Variants in MPHOSPH9 observed in about 807,000 individuals in gnomAD.
The protein encoded by MPHOSPH9 is M-phase phosphoprotein 9.
A neutral mutation model predicts 145.5 loss-of-function variants in MPHOSPH9; 88 were observed. The observed-to-expected ratio is 0.60, with a 90% CI of 0.51 to 0.72. The LOEUF (loss-of-function observed/expected upper bound fraction) is 0.72. MPHOSPH9 is among the 30% of genes least tolerant of loss of function. The pLI is 0.00. For synonymous variants in MPHOSPH9, 435 were observed against 486.2 expected (o/e 0.89, Z 1.39); for missense variants, 1,238 against 1,386.6 (o/e 0.89, Z 1.70).
chr12:123,227,403 G>T, intron 3 of MPHOSPH9, 60 bp downstream of exon 3: 1 of 1,224,026 alleles, frequency 8.2e-7, no homozygotes, highest in Non-Finnish European at 1.1e-6. Flanking sequence ...TTAGAGTTTA[G>T]TAGAGGTATG....
At position 123,230,231 on chromosome 12, in the gene MPHOSPH9, T is replaced by C. The variant is rs544117643; in HGVS notation, c.104+30A>G. 1.7e-5 allele frequency: 20 copies of C among 1,177,592 alleles called. No individual in the cohort carries two copies. The East Asian group carries it at 2.8e-4, about 17-fold the overall frequency. The allele number at this position is 1,177,592 out of a possible 1,614,324, so 72.9% of individuals were successfully genotyped here. A position where few individuals can be genotyped will look rare whatever the true frequency, so the allele number is the denominator to read the frequency against. ...GTATGCAAATAAGGTTATTCTGATT[T>C]GGTACATTTTTTTTAAATCCCATTC... On this transcript the variant is annotated intron_variant, in intron 2 of 23. Coordinates refer to ENST00000606320, the MANE Select transcript of MPHOSPH9 (RefSeq NM_022782.4).
chr12:123,158,415 C>T (rs1450251006), intron 23 of MPHOSPH9, among the ~76,000 whole-genome samples: 1 of 152,120 alleles, frequency 6.6e-6, no homozygotes, highest in African/African-American at 2.4e-5. Context: ...CCACCCTGGG[C>T]AACACTGCAA....
In MPHOSPH9 at chr12:123,230,483, A is replaced by G; in HGVS notation, c.-119T>C. The G allele has an allele frequency of 1.9e-6, 1 of 540,224 alleles. No homozygotes were observed. The highest frequency in any genetic ancestry group is 3.2e-6 in the Non-Finnish European group (1 of 310,280). The allele number at this position is 540,224 out of a possible 1,614,324, so 33.5% of individuals were successfully genotyped here. On this transcript the variant is annotated 5_prime_UTR_variant, in exon 2 of 24. Coordinates refer to ENST00000606320, the MANE Select transcript of MPHOSPH9 (RefSeq NM_022782.4). ...CATCTACTGGCATTTTCAGTGGCTA[A>G]CATTCAGAACTGTGAAATATCCTAA...
chr12:123,157,853 C>T (rs1425101683), intron 23 of MPHOSPH9, among the ~76,000 whole-genome samples: 1 of 151,668 alleles, frequency 6.6e-6, no homozygotes, highest in Non-Finnish European at 1.5e-5. Flanking sequence ...AAATTTTTTT[C>T]TTTAATTATA....
chr12:123,171,165 C>A (rs1298640215), intron 16 of MPHOSPH9, among the ~76,000 whole-genome samples: 2 of 152,110 alleles, frequency 1.3e-5, no homozygotes, highest in Non-Finnish European at 2.9e-5. Context: ...TACAAAATAT[C>A]AGCCGGGGCC....
At chr12:123,197,840 T>G (rs1198667089) in intron 12 of MPHOSPH9, among the ~76,000 whole-genome samples, 2 of 144,594 alleles carry the variant, frequency 1.4e-5, no homozygotes, top group African/African-American at 5.2e-5. Context: ...TCCCAGCACT[T>G]TGGGAGGCCG....
chr12:123,161,851 G>C (rs1325220730), intron 21 of MPHOSPH9, among the ~76,000 whole-genome samples: 1 of 152,012 alleles, frequency 6.6e-6, no homozygotes, highest in Non-Finnish European at 1.5e-5. Flanking sequence ...TGCATATAGA[G>C]AATAAAAGTA....
intron 1 of MPHOSPH9, among the ~76,000 whole-genome samples, chr12:123,231,073 T>C (rs1057094003): frequency 6.6e-6 from 1 of 152,212 alleles, no homozygotes; most frequent in Non-Finnish European, 1.5e-5. Context: ...CAATTAAAAA[T>C]CTACATTAAG....
chr12:123,195,482 A>C (rs2045904603), intron 12 of MPHOSPH9, among the ~76,000 whole-genome samples: 1 of 151,886 alleles, frequency 6.6e-6, no homozygotes, highest in Admixed American at 6.6e-5. Context: ...GCTACTCAGG[A>C]GGCTGAGGCA....
Position 123,210,079 on chromosome 12 carries a change from A to G in MPHOSPH9, c.1171T>C (p.Ser391Pro). ...ACCTGGTTTGGTGACACATCTGTGG[A>G]AGACAATGATATGAACGTCTTCTCT... ...TLEKTFISLS[S>P]TDVSPNQSNT... The change falls in exon 8 of 24, where the codon TCC (serine) becomes CCC (proline). Residue 391 changes from serine to proline, a missense_variant. By Grantham distance (74) the Ser-to-Pro change is moderately conservative. Coordinates refer to ENST00000606320, the MANE Select transcript of MPHOSPH9 (RefSeq NM_022782.4). 6.2e-7 allele frequency: 1 copy of G among 1,610,660 alleles called. No individual in the cohort carries two copies. Among genetic ancestry groups the G allele is most frequent in the South Asian group, 1.1e-5 (1 of 90,482 alleles).
chr12:123,156,588 T>C lies in MPHOSPH9; in HGVS notation c.*219A>G. 1 of 366,128 alleles carries C rather than the reference T, an allele frequency of 2.7e-6. No homozygotes were observed. The highest frequency in any genetic ancestry group is 4.9e-6 in the Non-Finnish European group (1 of 204,366). The allele number at this position is 366,128 out of a possible 1,614,324, so 22.7% of individuals were successfully genotyped here. A position where few individuals can be genotyped will look rare whatever the true frequency, so the allele number is the denominator to read the frequency against. ...GACAGATACTATTTAAAAATAATGC[T>C]TTTTAAATAGTAAAATATACAAGAG... is the stretch of plus-strand genomic sequence containing the variant. On this transcript the variant is annotated 3_prime_UTR_variant, in exon 24 of 24. Coordinates refer to ENST00000606320, the MANE Select transcript of MPHOSPH9 (RefSeq NM_022782.4).
At chr12:123,188,211 C>A (rs1464634814) in intron 13 of MPHOSPH9, among the ~76,000 whole-genome samples, 2 of 152,132 alleles carry the variant, frequency 1.3e-5, no homozygotes, top group Non-Finnish European at 2.9e-5. Flanking sequence ...TAACCATTTC[C>A]TCTTAATCAC....
intron 16 of MPHOSPH9, among the ~76,000 whole-genome samples, chr12:123,170,388 C>G (rs1259386982): frequency 6.6e-6 from 1 of 152,152 alleles, no homozygotes; most frequent in Non-Finnish European, 1.5e-5. Context: ...CATGATCCAC[C>G]TGCCTCAGCC....
chr12:123,161,121 T>C lies in MPHOSPH9; in HGVS notation c.3381+15A>G. The C allele has an allele frequency of 6.2e-7, 1 of 1,610,578 alleles. No individual in the cohort carries two copies. Among genetic ancestry groups the C allele is most frequent in the Non-Finnish European group, 8.5e-7 (1 of 1,178,352 alleles). On this transcript the variant is annotated intron_variant, in intron 22 of 23. Coordinates refer to ENST00000606320, the MANE Select transcript of MPHOSPH9 (RefSeq NM_022782.4). ...GTTCAGAAAACAATTTTTAAAAATA[T>C]TTGTTTGTTTTTACCTGGTCCTTTT...
In MPHOSPH9 at chr12:123,214,726, A is replaced by C; in HGVS notation, c.1087+18T>G. The C allele has an allele frequency of 6.3e-7, 1 of 1,580,952 alleles. No homozygotes were observed. Among genetic ancestry groups the C allele is most frequent in the Non-Finnish European group, 8.7e-7 (1 of 1,153,904 alleles). The stretch of plus-strand genomic sequence containing the variant: ...TATGTAGTTTAGGTTAAAAAAAATA[A>C]AAATGTAAGTATCATACCTGTTCCT... On this transcript the variant is annotated intron_variant, in intron 7 of 23. Coordinates refer to ENST00000606320, the MANE Select transcript of MPHOSPH9 (RefSeq NM_022782.4).
chr12:123,170,813 C>T, intron 16 of MPHOSPH9, among the ~76,000 whole-genome samples: 1 of 152,232 alleles, frequency 6.6e-6, no homozygotes, highest in Admixed American at 6.5e-5. Flanking sequence ...TGCACATCTT[C>T]AACCTCTCTG....
intron 7 of MPHOSPH9, among the ~76,000 whole-genome samples, chr12:123,210,536 T>C (rs1461026418): frequency 1.3e-5 from 2 of 151,652 alleles, no homozygotes; most frequent in East Asian, 3.9e-4. Flanking sequence ...CTACTAAAAA[T>C]CCAAAAATCA....
At position 123,230,297 on chromosome 12, in the gene MPHOSPH9, G is replaced by A. The variant is rs1297856775; in HGVS notation, c.68C>T (p.Ser23Phe). 28 of 1,533,380 alleles carry A rather than the reference G, an allele frequency of 1.8e-5. No homozygotes were observed. Among genetic ancestry groups the A allele is most frequent in the Non-Finnish European group, 2.2e-5 (25 of 1,144,996 alleles). The allele number at this position is 1,533,380 out of a possible 1,614,324, so 95.0% of individuals were successfully genotyped here. A position where few individuals can be genotyped will look rare whatever the true frequency, so the allele number is the denominator to read the frequency against. Residue 23 changes from serine to phenylalanine, a missense_variant, in exon 2 of 24, where the codon TCT becomes TTT. By Grantham distance (155) the Ser-to-Phe change is radical. Coordinates refer to ENST00000606320, the MANE Select transcript of MPHOSPH9 (RefSeq NM_022782.4). Reference protein sequence around the residue: ...TSSSVGSDENSLHSLGLNLNT... With the variant: ...TSSSVGSDENFLHSLGLNLNT... ...TAAGTTCAGTCCAAGAGAATGAAGA[G>A]AATTTTCATCAGATCCTACAGAAGA...
intron 13 of MPHOSPH9, among the ~76,000 whole-genome samples, chr12:123,193,106 TATACACACACAC>T (rs1231383740): frequency 4.1e-5 from 4 of 97,260 alleles, no homozygotes; most frequent in African/African-American, 1.4e-4. Flanking sequence ...AATATATATA[TATACACACACAC>T]ACACACACAC....
Sources: allele counts gnomAD v4.1 joint callset (sites outside exome capture counted in the v4.1 genomes callset), GRCh38; gene constraint gnomAD v4.1.1; transcripts MANE v1.5; gene names NCBI Gene and HGNC (gene_info 2026-07-23, HGNC 2026-07-21).